Variants in RBFOX1 observed in about 807,000 individuals in gnomAD.
RBFOX1 encodes RNA binding fox-1 homolog 1.
Under a neutral mutation model 57.7 loss-of-function variants are expected in RBFOX1, and 8 were observed. That is an observed-to-expected ratio of 0.14 (90% CI 0.08 to 0.25). The LOEUF (loss-of-function observed/expected upper bound fraction) is 0.25, where lower values mean the gene tolerates loss of function less well. RBFOX1 is among the 10% of genes least tolerant of loss of function. The pLI is 1.00. For synonymous variants in RBFOX1, 326 were observed against 222.4 expected, an observed-to-expected ratio of 1.47 and a Z score of -4.15; for missense variants, 611 against 548.5, an observed-to-expected ratio of 1.11 and a Z score of -1.14.
chr16:7,464,569 C>G, intron 4 of RBFOX1, among the ~76,000 whole-genome samples: 1 of 152,002 alleles, frequency 6.6e-6, no homozygotes, highest in South Asian at 2.1e-4. Flanking sequence ...TGTTAAAAAT[C>G]CCTGAGTGTT....
chr16:5,662,052 C>T (rs569243799), intron 3 of RBFOX1, among the ~76,000 whole-genome samples: 141 of 152,236 alleles, frequency 9.3e-4, no homozygotes, highest in African/African-American at 3.0e-3. Context: ...TCCCAAAGTG[C>T]TGGGATTACA....
At chr16:5,764,112 A>G (rs1212338943) in intron 3 of RBFOX1, among the ~76,000 whole-genome samples, 2 of 152,220 alleles carry the variant, frequency 1.3e-5, no homozygotes, top group Non-Finnish European at 2.9e-5. Flanking sequence ...AGGCTGTGAA[A>G]GTCTTTTGCA....
chr16:5,747,501 A>T (rs969610447), intron 3 of RBFOX1, among the ~76,000 whole-genome samples: 9 of 152,072 alleles, frequency 5.9e-5, no homozygotes, highest in African/African-American at 1.2e-4. Flanking sequence ...TCGGCTGTGA[A>T]TCTGTCTGAT....
At chr16:6,993,390 C>G (rs1234336535) in intron 3 of RBFOX1, among the ~76,000 whole-genome samples, 1 of 152,074 alleles carries the variant, frequency 6.6e-6, no homozygotes, top group African/African-American at 2.4e-5. Flanking sequence ...GTAATAAATT[C>G]ATTTGCTTGG....
chr16:6,843,494 C>G (rs757877599), intron 3 of RBFOX1, among the ~76,000 whole-genome samples: 1 of 152,190 alleles, frequency 6.6e-6, no homozygotes, highest in Admixed American at 6.5e-5. Flanking sequence ...CGAGACCATC[C>G]TGGCTAACAC....
At chr16:5,261,186 C>T (rs999725781) in intron 1 of RBFOX1, 4 of 152,186 alleles carry the variant, frequency 2.6e-5, no homozygotes, top group East Asian at 1.9e-4. Flanking sequence ...CTCCCTTTAC[C>T]TCTGGAAACT....
At chr16:7,623,739 G>A (rs1017175260) in intron 10 of RBFOX1, among the ~76,000 whole-genome samples, 3 of 152,300 alleles carry the variant, frequency 2.0e-5, no homozygotes, top group African/African-American at 7.2e-5. Flanking sequence ...GATGCTGGAA[G>A]TCTGAGATCA....
At chr16:5,917,489 A>G (rs559308727) in intron 4 of RBFOX1, among the ~76,000 whole-genome samples, 1 of 152,342 alleles carries the variant, frequency 6.6e-6, no homozygotes, top group South Asian at 2.1e-4. Context: ...TCGGGACCTC[A>G]TAATGATTGC....
chr16:7,308,186 G>T (rs1337183814), intron 4 of RBFOX1, among the ~76,000 whole-genome samples: 4 of 151,988 alleles, frequency 2.6e-5, no homozygotes, highest in Non-Finnish European at 5.9e-5. Context: ...AGTAATAGAG[G>T]GCAAACCTTA....
chr16:6,340,203 G>A (rs1275664868), intron 2 of RBFOX1, among the ~76,000 whole-genome samples: 2 of 152,100 alleles, frequency 1.3e-5, no homozygotes, highest in African/African-American at 4.8e-5. Flanking sequence ...AATAGTATGG[G>A]TGCTAAGGGG....
intron 4 of RBFOX1, among the ~76,000 whole-genome samples, chr16:5,959,880 C>G (rs1436228529): frequency 2.6e-5 from 4 of 152,142 alleles, no homozygotes; most frequent in Admixed American, 6.5e-5. Context: ...CTCTCCCCAT[C>G]CAGCTACCAA....
At chr16:5,571,107 C>G (rs906595580) in intron 2 of RBFOX1, among the ~76,000 whole-genome samples, 1 of 151,992 alleles carries the variant, frequency 6.6e-6, no homozygotes, top group Admixed American at 6.6e-5. Flanking sequence ...GATCACTCCC[C>G]CAGCCCTTCA....
At chr16:6,429,911 C>T (rs193074248) in intron 2 of RBFOX1, among the ~76,000 whole-genome samples, 39 of 152,136 alleles carry the variant, frequency 2.6e-4, no homozygotes, top group Admixed American at 1.9e-3. Context: ...GAGTTCAAGT[C>T]CAGTCTGACC....
intron 4 of RBFOX1, among the ~76,000 whole-genome samples, chr16:7,184,017 A>G (rs2083241832): frequency 6.6e-6 from 1 of 152,232 alleles, no homozygotes; most frequent in South Asian, 2.1e-4. Flanking sequence ...ATGAGGGGCG[A>G]TGCAGATGGC....
intron 1 of RBFOX1, among the ~76,000 whole-genome samples, chr16:6,117,597 G>A (rs903761746): frequency 6.6e-6 from 1 of 152,250 alleles, no homozygotes; most frequent in Non-Finnish European, 1.5e-5. Flanking sequence ...CTTTTGCCGT[G>A]TGAAGACACA....
chr16:7,171,777 G>C (rs2080753995), intron 4 of RBFOX1, among the ~76,000 whole-genome samples: 1 of 152,140 alleles, frequency 6.6e-6, no homozygotes, highest in Non-Finnish European at 1.5e-5. Context: ...CTTCATCAAA[G>C]TTCCCAGGTG....
chr16:7,166,139 G>A lies in RBFOX1; in HGVS notation c.27+114041G>A, dbSNP rs147804009. ...AGTGATTCTCCTGCTTCAGCCTTCC[G>A]AGTAGATGGGATTACAGGTGCATGC... On this transcript the variant is annotated intron_variant, in intron 4 of 15. Coordinates refer to ENST00000550418, the MANE Select transcript of RBFOX1 (RefSeq NM_018723.4). Among the ~76,000 whole-genome samples the A allele has an allele frequency of 3.3e-4, 50 of 152,096 alleles. No homozygotes were observed. In the South Asian group the frequency reaches 5.2e-3, roughly 16 times the overall value.
intron 5 of RBFOX1, among the ~76,000 whole-genome samples, chr16:7,540,147 G>A (rs2082541043): frequency 6.6e-6 from 1 of 152,190 alleles, no homozygotes; most frequent in Admixed American, 6.5e-5. Context: ...TCCTTTCAAA[G>A]GCTCACTCTG....
rs182599701 is a variant in RBFOX1, at chr16:6,734,354, C to G, written c.-16+79704C>G. Among the ~76,000 whole-genome samples the G allele has an allele frequency of 2.0e-5, 3 of 152,290 alleles. No individual in the cohort carries two copies. The East Asian group carries it at 5.8e-4, about 29-fold the overall frequency. ...TCCTCTGGGCTCAGTTTTGAATTCA[C>G]AAGATTGCTAATCATTGATCGTAAC... On this transcript the variant is annotated intron_variant, in intron 3 of 15. Transcript: ENST00000550418.
Sources: allele counts gnomAD v4.1 joint callset (sites outside exome capture counted in the v4.1 genomes callset), GRCh38; gene constraint gnomAD v4.1.1; transcripts MANE v1.5; gene names NCBI Gene and HGNC (gene_info 2026-07-23, HGNC 2026-07-21).